CATSPERT: variants seen among roughly 807,000 people sequenced by gnomAD.
CATSPERT encodes catsper channel auxiliary subunit tau.
At chr2:201,492,185 T>C in the CATSPERT span, 1 of 1,522,138 alleles carries the variant, frequency 6.6e-7, no homozygotes, top group Non-Finnish European at 8.8e-7. Context: ...CTTGAATATT[T>C]ATTTTGCTTT....
At chr2:201,496,517 A>G in the CATSPERT span, among the ~76,000 whole-genome samples, 1,415 of 152,142 alleles carry the variant, frequency 9.3e-3, 16 homozygotes, top group African/African-American at 0.033. Flanking sequence ...TAATTTTTGT[A>G]TTTTTTGTAG....
chr2:201,565,950 G>A, the CATSPERT span: 3 of 1,334,210 alleles, frequency 2.2e-6, no homozygotes, highest in Non-Finnish European at 2.0e-6. Context: ...TATCACTTTT[G>A]AACCCTTCTC....
the CATSPERT span, among the ~76,000 whole-genome samples, chr2:201,504,248 C>T: frequency 5.3e-5 from 8 of 152,292 alleles, no homozygotes; most frequent in African/African-American, 1.9e-4. Context: ...GTTTGGCTTC[C>T]CGCTCCTGTG....
At chr2:201,537,111 T>G in the CATSPERT span, among the ~76,000 whole-genome samples, 1 of 151,994 alleles carries the variant, frequency 6.6e-6, no homozygotes, top group African/African-American at 2.4e-5. Flanking sequence ...TAAAAGATTT[T>G]GGTGAGAAAG....
At chr2:201,611,907 T>G in the CATSPERT span, among the ~76,000 whole-genome samples, 1 of 152,202 alleles carries the variant, frequency 6.6e-6, no homozygotes, top group African/African-American at 2.4e-5. Context: ...CTCAAGAGTT[T>G]CAGGAGGCCA....
chr2:201,565,527 A>T, the CATSPERT span, among the ~76,000 whole-genome samples: 1 of 152,098 alleles, frequency 6.6e-6, no homozygotes. Flanking sequence ...CTTTGGCATA[A>T]CACTTTTTCA....
the CATSPERT span, among the ~76,000 whole-genome samples, chr2:201,616,648 A>G: frequency 6.6e-6 from 1 of 152,216 alleles, no homozygotes; most frequent in Non-Finnish European, 1.5e-5. Context: ...AAACTGGCAC[A>G]AGACAGGGAT....
chr2:201,554,334 G>C, the CATSPERT span: 1 of 152,032 alleles, frequency 6.6e-6, no homozygotes, highest in African/African-American at 2.4e-5. Context: ...ACTAACAATG[G>C]TATCTAGTAC....
the CATSPERT span, among the ~76,000 whole-genome samples, chr2:201,544,710 C>T: frequency 4.0e-5 from 6 of 150,924 alleles, no homozygotes; most frequent in Non-Finnish European, 8.8e-5. Flanking sequence ...ATTGGCCAAG[C>T]GTGGTGGCTT....
chr2:201,576,260 A>T, the CATSPERT span, among the ~76,000 whole-genome samples: 1 of 152,346 alleles, frequency 6.6e-6, no homozygotes, highest in East Asian at 1.9e-4. Context: ...TAAATAAAAA[A>T]ATAAAGACTA....
chr2:201,491,103 A>G, the CATSPERT span: 17 of 1,319,770 alleles, frequency 1.3e-5, no homozygotes, highest in Non-Finnish European at 4.1e-6. Flanking sequence ...GCAGATATAT[A>G]CACCCTAAAT....
At chr2:201,606,546 A>G in the CATSPERT span, among the ~76,000 whole-genome samples, 55 of 152,160 alleles carry the variant, frequency 3.6e-4, no homozygotes, top group Non-Finnish European at 1.2e-4. Context: ...CTCCCAAGAA[A>G]CCTACTAAAA....
the CATSPERT span, among the ~76,000 whole-genome samples, chr2:201,613,063 T>G: frequency 6.6e-6 from 1 of 152,150 alleles, no homozygotes; most frequent in Non-Finnish European, 1.5e-5. Flanking sequence ...AAGCTCAAAC[T>G]GGGTGGAGCC....
At chr2:201,561,883 G>C in the CATSPERT span, among the ~76,000 whole-genome samples, 50 of 148,430 alleles carry the variant, frequency 3.4e-4, no homozygotes, top group Non-Finnish European at 7.0e-4. Context: ...CAAAAAAAAG[G>C]AAAGAAAAGG....
the CATSPERT span, among the ~76,000 whole-genome samples, chr2:201,525,595 A>T: frequency 6.6e-6 from 1 of 152,180 alleles, no homozygotes; most frequent in African/African-American, 2.4e-5. Context: ...CAAAGCCAGC[A>T]GAAGAAAAGA....
the CATSPERT span, among the ~76,000 whole-genome samples, chr2:201,517,182 C>T: frequency 6.6e-6 from 1 of 152,072 alleles, no homozygotes. Context: ...CCCTTCTTCC[C>T]CACCTCCCCA....
the CATSPERT span, among the ~76,000 whole-genome samples, chr2:201,498,781 G>C: frequency 6.6e-6 from 1 of 152,238 alleles, no homozygotes; most frequent in Admixed American, 6.5e-5. Context: ...TGTGCACACA[G>C]AGCAAACACT....
At chr2:201,589,544 C>A in the CATSPERT span, among the ~76,000 whole-genome samples, 16 of 152,034 alleles carry the variant, frequency 1.1e-4, no homozygotes, top group African/African-American at 3.6e-4. Context: ...GGATAACTGG[C>A]GAGCCATATG....
At chr2:201,547,429 C>G in the CATSPERT span, 1 of 839,688 alleles carries the variant, frequency 1.2e-6, no homozygotes, top group Non-Finnish European at 1.8e-6. Context: ...TTGATCATCA[C>G]TTTTAATTAT....
Sources: gnomAD v4.1 joint callset for allele counts (sites outside exome capture counted in the v4.1 genomes callset) on GRCh38, gnomAD v4.1.1 for gene constraint, MANE v1.5 for transcripts, NCBI Gene and HGNC (gene_info 2026-07-23, HGNC 2026-07-21) for gene names.